TSPAN11: variants seen among roughly 807,000 people sequenced by gnomAD.
TSPAN11 encodes the protein tetraspanin 11.
In TSPAN11, 29 loss-of-function variants were observed where a neutral mutation model predicts 32.9. The ratio of observed to expected loss-of-function variants is 0.88; its 90% CI spans 0.66 to 1.20. The LOEUF is 1.20. Among genes scored for constraint, TSPAN11 ranks in the 50% most tolerant of loss-of-function variants. The pLI is 0.00. For synonymous variants in TSPAN11, 140 were observed against 141.3 expected, an observed-to-expected ratio of 0.99 and a Z score of 0.07; for missense variants, 283 against 329.1, an observed-to-expected ratio of 0.86 and a Z score of 1.08.
the TSPAN11 span, among the ~76,000 whole-genome samples, chr12:31,013,047 G>A: frequency 6.6e-6 from 1 of 152,198 alleles, no homozygotes; most frequent in Non-Finnish European, 1.5e-5. Context: ...AGCATTAAGA[G>A]ACTGATGGGT....
rs1357477477 is a variant in TSPAN11 at position 30,975,168 on chromosome 12, C to T, written c.277-3393C>T. Among the ~76,000 whole-genome samples the T allele has an allele frequency of 2.6e-5, 4 of 152,196 alleles. No individual in the cohort carries two copies. Among genetic ancestry groups the T allele is most frequent in the African/African-American group, 2.4e-5 (1 of 41,446 alleles). The stretch of plus-strand genomic sequence containing the variant: ...CGCAGGGGCCCTGAGATGATCGCGC[C>T]GGACCCAGGGAGTCAGGAAAGGCTG... On this transcript the variant is annotated intron_variant, in intron 3 of 7. Coordinates refer to ENST00000546076, the MANE Select transcript of TSPAN11 (RefSeq NM_001370302.1). The surrounding 1 kb of genome is among the most constrained non-coding windows in gnomAD (Gnocchi z 4.5).
chr12:30,985,126 C>T (rs547272526), intron 7 of TSPAN11, among the ~76,000 whole-genome samples: 1 of 152,280 alleles, frequency 6.6e-6, no homozygotes, highest in Non-Finnish European at 1.5e-5. Flanking sequence ...CAGCCTAACA[C>T]ACTGGGAGGA....
chr12:30,985,867 C>A (rs1311194073), intron 7 of TSPAN11, among the ~76,000 whole-genome samples: 2 of 152,358 alleles, frequency 1.3e-5, no homozygotes, highest in East Asian at 1.9e-4. Context: ...CTCCTCCTGC[C>A]CACTCAAAAC....
intron 7 of TSPAN11, among the ~76,000 whole-genome samples, chr12:30,989,021 G>A (rs1382697599): frequency 1.3e-5 from 2 of 152,212 alleles, no homozygotes; most frequent in Non-Finnish European, 2.9e-5. Context: ...CAGCGTCCTG[G>A]GAGCCTCCGC....
intron 1 of TSPAN11, among the ~76,000 whole-genome samples, chr12:30,943,835 C>T (rs76988417): frequency 0.057 from 8,681 of 152,278 alleles, 805 homozygotes; most frequent in African/African-American, 0.2. Flanking sequence ...AAGAGGGAAA[C>T]GGGCACAGAA....
intron 7 of TSPAN11, among the ~76,000 whole-genome samples, chr12:30,987,725 G>A (rs1490736039): frequency 6.6e-6 from 1 of 152,234 alleles, no homozygotes; most frequent in Admixed American, 6.5e-5. Flanking sequence ...TATGCGGCCA[G>A]ATGCAGAGGG....
chr12:30,943,892 T>C (rs1204997322), intron 1 of TSPAN11, among the ~76,000 whole-genome samples: 1 of 152,244 alleles, frequency 6.6e-6, no homozygotes, highest in African/African-American at 2.4e-5. Flanking sequence ...ATGCAGGGGC[T>C]GTAACCAAGT....
intron 1 of TSPAN11, among the ~76,000 whole-genome samples, chr12:30,940,950 T>C (rs964236504): frequency 6.6e-6 from 1 of 152,174 alleles, no homozygotes; most frequent in African/African-American, 2.4e-5. Flanking sequence ...CTTGTGAGAA[T>C]TTAATGCCTG....
At chr12:30,946,945 C>G (rs574856478) in intron 1 of TSPAN11, among the ~76,000 whole-genome samples, 3 of 152,260 alleles carry the variant, frequency 2.0e-5, no homozygotes, top group African/African-American at 7.2e-5. Context: ...CTTAGGGACA[C>G]CTCCTCCCAT....
chr12:30,987,267 C>A (rs73097998), intron 7 of TSPAN11, among the ~76,000 whole-genome samples: 1 of 152,120 alleles, frequency 6.6e-6, no homozygotes, highest in African/African-American at 2.4e-5. Flanking sequence ...TGGGACCAGA[C>A]CTCCGCAGAG....
In TSPAN11 at chr12:30,948,933, C is replaced by T. The variant is rs910785355; in HGVS notation, c.-11-5048C>T. Among the ~76,000 whole-genome samples the T allele has an allele frequency of 4.6e-5, 7 of 152,252 alleles. 1 individual carries two copies. The highest frequency in any genetic ancestry group is 2.9e-5 in the Non-Finnish European group (2 of 68,024). ...TAGCACCCAAGTCATCTCTTGAATG[C>T]TTTGCTGCTTAGAAATTTCTTCCAC... On this transcript the variant is annotated intron_variant, in intron 1 of 7. Coordinates refer to ENST00000546076, the MANE Select transcript of TSPAN11 (RefSeq NM_001370302.1).
chr12:31,012,709 A>G, the TSPAN11 span: 4 of 152,220 alleles, frequency 2.6e-5, no homozygotes, highest in African/African-American at 7.2e-5. Flanking sequence ...CTGTCAGATA[A>G]CCAAGGCACG....
the TSPAN11 span, chr12:31,006,019 GC>G: frequency 1.3e-5 from 2 of 153,972 alleles, no homozygotes; most frequent in African/African-American, 4.8e-5. Flanking sequence ...GCAGAGGTCA[GC>G]CGGGTGTGGC....
chr12:30,941,039 GA>G (rs1938150278), intron 1 of TSPAN11, among the ~76,000 whole-genome samples: 1 of 152,150 alleles, frequency 6.6e-6, no homozygotes, highest in Admixed American at 6.5e-5. Context: ...TGTCTTCCAC[GA>G]AACCAGTCCC....
chr12:31,010,673 G>A, the TSPAN11 span, among the ~76,000 whole-genome samples: 2,272 of 152,242 alleles, frequency 0.015, 59 homozygotes, highest in African/African-American at 0.052. Context: ...ACACGTGCCT[G>A]CAGTCCCAGC....
In TSPAN11 at chr12:30,954,019, G is replaced by A. The variant is rs375239939; in HGVS notation, c.28G>A (p.Asp10Asn). MAHYKTEQDDWLIIYLKYLL... is the reference protein window; with the variant it reads MAHYKTEQDNWLIIYLKYLL... ...GGCCCACTATAAGACTGAGCAGGAC[G>A]ACTGGCTGATCATCTACTTGAAGTA... The change falls in exon 2 of 8, where the codon GAC becomes AAC. Residue 10 changes from aspartate (D) to asparagine (N), a missense_variant. By Grantham distance (23) the Asp-to-Asn change is conservative (BLOSUM62 1). Coordinates refer to ENST00000546076, the MANE Select transcript of TSPAN11 (RefSeq NM_001370302.1). 13 of 1,613,726 alleles carry A rather than the reference G, an allele frequency of 8.1e-6. No homozygotes were observed. The highest frequency in any genetic ancestry group is 8.0e-5 in the African/African-American group (6 of 74,908).
chr12:30,965,425 T>A lies in TSPAN11; in HGVS notation c.276+1408T>A, dbSNP rs570465868. ...GTTTAGAGAGGACAGGACTCACCTC[T>A]GGACAGCCCAAGAAAGAATACAGAA... On this transcript the variant is annotated intron_variant, in intron 3 of 7. Transcript: ENST00000546076. Among the ~76,000 whole-genome samples, 4 of 152,184 alleles carry A rather than the reference T, an allele frequency of 2.6e-5. No homozygotes were observed. In the East Asian group the frequency reaches 7.8e-4, roughly 30 times the overall value.
At chr12:30,983,656 G>A (rs1277012358) in intron 7 of TSPAN11, among the ~76,000 whole-genome samples, 4 of 152,082 alleles carry the variant, frequency 2.6e-5, no homozygotes, top group African/African-American at 4.8e-5. Context: ...TTCTGCATCC[G>A]TGAATTCAAC....
At chr12:30,998,149 AG>A (rs142895932), downstream of TSPAN11, among the ~76,000 whole-genome samples, 17,733 of 152,288 alleles carry the variant, frequency 0.12, 1,229 homozygotes, top group East Asian at 0.31. Context: ...AAGAAGGGAC[AG>A]GTGCCCTCCA....
Sources: gnomAD v4.1 joint callset for allele counts (sites outside exome capture counted in the v4.1 genomes callset) on GRCh38, gnomAD v4.1.1 for gene constraint, Gnocchi (gnomAD v3.1) non-coding constraint, MANE v1.5 for transcripts, NCBI Gene and HGNC (gene_info 2026-07-23, HGNC 2026-07-21) for gene names.